Variants in ZCWPW2 observed in about 807,000 individuals in gnomAD.
ZCWPW2 encodes zinc finger CW-type PWWP domain protein 2.
A neutral mutation model predicts 46.6 loss-of-function variants in ZCWPW2; 45 were observed. That is an observed-to-expected ratio of 0.96 (90% confidence interval 0.76 to 1.24). The LOEUF (loss-of-function observed/expected upper bound fraction) is 1.24, where lower values mean the gene tolerates loss of function less well. ZCWPW2 is among the 50% of genes most tolerant of loss of function. The pLI is 0.00. For missense variants in ZCWPW2, 429 were observed against 403.9 expected, an observed-to-expected ratio of 1.06 and a Z score of -0.53; for synonymous variants, 152 against 137.1, an observed-to-expected ratio of 1.11 and a Z score of -0.76.
intron 2 of ZCWPW2, among the ~76,000 whole-genome samples, chr3:28,398,427 G>GA (rs950100782): frequency 6.6e-6 from 1 of 152,108 alleles, no homozygotes; most frequent in African/African-American, 2.4e-5. Flanking sequence ...TTGGATGGTG[G>GA]ACGGGAGGCA....
chr3:28,476,224 G>A (rs73046793), intron 4 of ZCWPW2, among the ~76,000 whole-genome samples: 9 of 151,752 alleles, frequency 5.9e-5, no homozygotes, highest in Admixed American at 1.3e-4. Context: ...GGGAAAGAAG[G>A]CACATTCTAT....
chr3:28,486,943 C>T (rs887957355), intron 5 of ZCWPW2, among the ~76,000 whole-genome samples: 2 of 149,912 alleles, frequency 1.3e-5, no homozygotes, highest in African/African-American at 4.9e-5. Flanking sequence ...TTATTTTGTT[C>T]AACTCTTTTA....
At chr3:28,382,607 A>G (rs1695145802) in intron 1 of ZCWPW2, among the ~76,000 whole-genome samples, 1 of 152,172 alleles carries the variant, frequency 6.6e-6, no homozygotes, top group South Asian at 2.1e-4. Flanking sequence ...GCCAAAGACA[A>G]TTTATAGAAT....
intron 1 of ZCWPW2, among the ~76,000 whole-genome samples, chr3:28,379,759 A>G (rs983847530): frequency 2.0e-5 from 3 of 151,140 alleles, no homozygotes; most frequent in Non-Finnish European, 3.0e-5. Flanking sequence ...GTTGTTAAAT[A>G]AAAAAAAATG....
chr3:28,508,887 G>T (rs1392174492), intron 6 of ZCWPW2, among the ~76,000 whole-genome samples: 2 of 151,998 alleles, frequency 1.3e-5, no homozygotes, highest in Admixed American at 6.6e-5. Flanking sequence ...GATTTAATTT[G>T]TATATCATAC....
chr3:28,479,529 T>C (rs1000682497), intron 5 of ZCWPW2, among the ~76,000 whole-genome samples: 1 of 152,186 alleles, frequency 6.6e-6, no homozygotes, highest in Non-Finnish European at 1.5e-5. Context: ...TTTTTGTATA[T>C]ATTTAACTTC....
At position 28,349,177 on chromosome 3, in the gene ZCWPW2, C is replaced by G. The variant is rs1704420981; in HGVS notation, c.-160C>G. On this transcript the variant is annotated 5_prime_UTR_variant, in exon 1 of 10. Coordinates refer to ENST00000383768, the MANE Select transcript of ZCWPW2 (RefSeq NM_001040432.4). ...GGGACGGGGCGGGGCCGCGGGACGC[C>G]AGGAGGCGGAGGCGGAGTGGAGTTA... 1.0e-6 allele frequency: 1 copy of G among 985,546 alleles called. No homozygotes were observed. The highest frequency in any genetic ancestry group is 6.1e-5 in the Admixed American group (1 of 16,272). 61.1% of individuals were successfully genotyped at this position (985,546 alleles called of 1,614,324 possible). A position where few individuals can be genotyped will look rare whatever the true frequency, so the allele number is the denominator to read the frequency against.
At chr3:28,506,848 C>T (rs912644126) in intron 6 of ZCWPW2, among the ~76,000 whole-genome samples, 3 of 152,122 alleles carry the variant, frequency 2.0e-5, no homozygotes, top group Admixed American at 1.3e-4. Flanking sequence ...AATCTGGACA[C>T]TGGTCCATAG....
intron 2 of ZCWPW2, among the ~76,000 whole-genome samples, chr3:28,411,889 T>A (rs993119812): frequency 6.6e-6 from 1 of 152,134 alleles, no homozygotes; most frequent in African/African-American, 2.4e-5. Flanking sequence ...TTACACTGAA[T>A]GTTTTTGGTC....
Position 28,400,045 on chromosome 3 carries a change from G to A in ZCWPW2, c.-14+9428G>A, listed in dbSNP as rs111730449. ...AATAAAAAAAAATGATACAAGAAGTGAAGGGACAAACATTCAGGGAAATAG... is the reference window on the plus strand; with the variant it reads ...AATAAAAAAAAATGATACAAGAAGTAAAGGGACAAACATTCAGGGAAATAG... On this transcript the variant is annotated intron_variant, in intron 2 of 9. Transcript: ENST00000383768. Among the ~76,000 whole-genome samples, 662 of 152,178 alleles carry A rather than the reference G, an allele frequency of 4.4e-3. 5 individuals are homozygous for A. The highest frequency in any genetic ancestry group is 0.017 in the Middle Eastern group (5 of 294).
chr3:28,483,402 C>G (rs1699495402), intron 5 of ZCWPW2, among the ~76,000 whole-genome samples: 1 of 152,168 alleles, frequency 6.6e-6, no homozygotes. Flanking sequence ...CATAGTAAGT[C>G]TTCAAGTTGG....
chr3:28,458,751 G>A (rs1698517722), intron 4 of ZCWPW2, among the ~76,000 whole-genome samples: 1 of 152,130 alleles, frequency 6.6e-6, no homozygotes, highest in African/African-American at 2.4e-5. Context: ...ATCAACTGTT[G>A]TTAATTCAGC....
chr3:28,380,924 T>C (rs1448971112), intron 1 of ZCWPW2, among the ~76,000 whole-genome samples: 3 of 110,060 alleles, frequency 2.7e-5, no homozygotes, highest in African/African-American at 7.1e-5. Context: ...ACCAAATATA[T>C]ATATATTTGG....
At chr3:28,510,715 C>G (rs1700403434) in intron 6 of ZCWPW2, among the ~76,000 whole-genome samples, 1 of 152,054 alleles carries the variant, frequency 6.6e-6, no homozygotes, top group African/African-American at 2.4e-5. Context: ...GAGAGCATTC[C>G]TAGCTGTTTC....
At chr3:28,425,000 A>C (rs866523957) in intron 3 of ZCWPW2, among the ~76,000 whole-genome samples, 2 of 152,220 alleles carry the variant, frequency 1.3e-5, no homozygotes, top group Non-Finnish European at 2.9e-5. Flanking sequence ...TTCTCTAATG[A>C]AAATTCTGAA....
At chr3:28,398,710 G>T (rs571467901) in intron 2 of ZCWPW2, among the ~76,000 whole-genome samples, 2 of 152,150 alleles carry the variant, frequency 1.3e-5, no homozygotes, top group African/African-American at 2.4e-5. Flanking sequence ...AGGAGATGCC[G>T]TCCTTACCTG....
chr3:28,441,919 C>T (rs1215483877), intron 4 of ZCWPW2, among the ~76,000 whole-genome samples: 1 of 152,140 alleles, frequency 6.6e-6, no homozygotes, highest in Non-Finnish European at 1.5e-5. Context: ...GATGGCAGGG[C>T]CTTGCTCCAA....
chr3:28,457,248 A>G (rs530266541), intron 4 of ZCWPW2, among the ~76,000 whole-genome samples: 3 of 152,322 alleles, frequency 2.0e-5, no homozygotes, highest in East Asian at 3.9e-4. Context: ...CTGATTCTGC[A>G]TCACATATTT....
chr3:28,378,139 C>G (rs1249866031), intron 1 of ZCWPW2, among the ~76,000 whole-genome samples: 1 of 151,982 alleles, frequency 6.6e-6, no homozygotes, highest in African/African-American at 2.4e-5. Flanking sequence ...TGCATAGATA[C>G]AGGCTCTTAA....
Sources: gnomAD v4.1 joint callset for allele counts (sites outside exome capture counted in the v4.1 genomes callset) on GRCh38, gnomAD v4.1.1 for gene constraint, MANE v1.5 for transcripts, NCBI Gene and HGNC (gene_info 2026-07-23, HGNC 2026-07-21) for gene names.